Variants in CENPF observed in about 807,000 individuals in gnomAD.
The protein encoded by CENPF is AH antigen.
CENPF carries 214 observed loss-of-function variants against 307.3 expected under a neutral mutation model. The ratio of observed to expected loss-of-function variants is 0.70; its 90% CI spans 0.62 to 0.78. The LOEUF is 0.78. Ranked by LOEUF, CENPF falls within the 30% of genes least tolerant of loss-of-function variation. The pLI, the probability that CENPF is intolerant of heterozygous loss-of-function variation, is 0.00. For missense variants in CENPF, 3,401 were observed against 3,483.9 expected (o/e 0.98, Z 0.60); for synonymous variants, 1,259 against 1,270.6 (o/e 0.99, Z 0.19).
chr1:214,651,942 A>C, intron 15 of CENPF, 56 bp downstream of exon 15: 1 of 1,445,978 alleles, frequency 6.9e-7, no homozygotes, highest in East Asian at 2.3e-5. Flanking sequence ...TGATCATGGT[A>C]AGGCTTTTTT....
intron 7 of CENPF, among the ~76,000 whole-genome samples, chr1:214,626,396 A>G (rs1440490800): frequency 6.6e-6 from 1 of 152,194 alleles, no homozygotes; most frequent in Non-Finnish European, 1.5e-5. Context: ...TGATTATTCC[A>G]TCTTCCTGGA....
At position 214,608,402 on chromosome 1, in the gene CENPF, AG is replaced by A. The variant is rs1464148398; in HGVS notation, c.-42+5082del. On this transcript the variant is annotated intron_variant, in intron 1 of 19. Coordinates refer to ENST00000366955, the MANE Select transcript of CENPF (RefSeq NM_016343.4). ...CCCGAGCTGGCACCGTAGCCGGAGTAGTCGTAGGAGAAGATGTTGCAATGGA... is the reference window on the plus strand; with the variant it reads ...CCCGAGCTGGCACCGTAGCCGGAGTATCGTAGGAGAAGATGTTGCAATGGA... The A allele has an allele frequency of 2.5e-5, 41 of 1,613,442 alleles. No homozygotes were observed. In the East Asian group the frequency reaches 2.7e-4, roughly 11 times the overall value.
chr1:214,658,556 A>C (rs139477146), intron 18 of CENPF, among the ~76,000 whole-genome samples: 1 of 152,074 alleles, frequency 6.6e-6, no homozygotes, highest in Non-Finnish European at 1.5e-5. Context: ...GCAAAATAAA[A>C]CATCTACATA....
chr1:214,604,636 A>G (rs1165684070), intron 1 of CENPF, among the ~76,000 whole-genome samples: 1 of 152,130 alleles, frequency 6.6e-6, no homozygotes, highest in African/African-American at 2.4e-5. Flanking sequence ...TGATGTAATG[A>G]TTTCAGTTGC....
At chr1:214,632,092 T>C (rs982867594) in intron 9 of CENPF, among the ~76,000 whole-genome samples, 4 of 152,264 alleles carry the variant, frequency 2.6e-5, no homozygotes, top group African/African-American at 9.6e-5. Flanking sequence ...TAGAGCGCTG[T>C]ATATGTTGTA....
chr1:214,629,434 A>C (rs1657744750), intron 8 of CENPF, among the ~76,000 whole-genome samples: 1 of 152,176 alleles, frequency 6.6e-6, no homozygotes, highest in South Asian at 2.1e-4. Flanking sequence ...TTTGATATTC[A>C]GTAGGAAAGG....
In CENPF at chr1:214,640,335, G is replaced by C; in HGVS notation, c.1997G>C (p.Arg666Thr). 1 of 1,613,908 alleles carries C rather than the reference G, an allele frequency of 6.2e-7. No homozygotes were observed. The change falls in exon 12 of 20, where the codon AGA (arginine) becomes ACA (threonine). Residue 666 changes from arginine (R) to threonine (T), a missense_variant. Coordinates refer to ENST00000366955, the MANE Select transcript of CENPF (RefSeq NM_016343.4). ...AGTCATGAATACAACGAGAGAGTAA[G>C]AACGCTGGAGATGGACAGAGAAAAC... The part of the protein sequence containing the change: ...IKSHEYNERV[R>T]TLEMDRENLS...
intron 19 of CENPF, among the ~76,000 whole-genome samples, chr1:214,662,165 C>G (rs1658803178): frequency 6.6e-6 from 1 of 151,770 alleles, no homozygotes; most frequent in African/African-American, 2.4e-5. Flanking sequence ...CTGTCTCTCT[C>G]TTTTTAAATG....
In CENPF at chr1:214,645,783, A is replaced by T; in HGVS notation, c.6213A>T (p.Glu2071Asp). 6.2e-7 allele frequency: 1 copy of T among 1,614,202 alleles called. No homozygotes were observed. Among genetic ancestry groups the T allele is most frequent in the East Asian group, 2.2e-5 (1 of 44,886 alleles). The change falls in exon 13 of 20, where the codon GAA becomes GAT. Residue 2071 changes from glutamate to aspartate, a missense_variant. Physicochemically the swap from Glu to Asp is conservative, Grantham distance 45 (BLOSUM62 2). Coordinates refer to ENST00000366955, the MANE Select transcript of CENPF (RefSeq NM_016343.4). ...AAGAGAAAGAATTGCTTGTCAAGGA[A>T]TCTGAAAGCCTGCAGGCCAGACTGA... is the stretch of plus-strand genomic sequence containing the variant. ...LNKEKELLVK[E>D]SESLQARLSE...
chr1:214,610,399 T>TGTGAGA (rs1657166148), intron 1 of CENPF, among the ~76,000 whole-genome samples: 1 of 152,206 alleles, frequency 6.6e-6, no homozygotes. Flanking sequence ...TGTGAGATGG[T>TGTGAGA]ATTTCATTGT....
In CENPF at chr1:214,655,345, G is replaced by C. The variant is rs757657545; in HGVS notation, c.8427G>C (p.Lys2809Asn). Residue 2809 changes from lysine (K) to asparagine (N), a missense_variant, in exon 17 of 20, where the codon AAG (lysine) becomes AAC (asparagine). Lys to Asn is a moderately conservative substitution (Grantham distance 94). Transcript: ENST00000366955. ...CCTGTAAACAGCTGGAAGAGGAAAAGGAGATACTGCAGAAAGAACTCTCTC... is the reference window on the plus strand; with the variant it reads ...CCTGTAAACAGCTGGAAGAGGAAAACGAGATACTGCAGAAAGAACTCTCTC... ...IKSCKQLEEEKEILQKELSQL... is the reference protein window; with the variant it reads ...IKSCKQLEEENEILQKELSQL... 1 of 1,610,524 alleles carries C rather than the reference G, an allele frequency of 6.2e-7. No individual in the cohort carries two copies. The highest frequency in any genetic ancestry group is 1.3e-5 in the African/African-American group (1 of 74,930).
At position 214,653,482 on chromosome 1, in the gene CENPF, T is replaced by A. The variant is rs545165537; in HGVS notation, c.8322+493T>A. ...GATCATAGAACTTTTTTTTTTTTTTTAGGAACAATGAAGGTGAACCCTAGT... is the reference window on the plus strand; with the variant it reads ...GATCATAGAACTTTTTTTTTTTTTTAAGGAACAATGAAGGTGAACCCTAGT... On this transcript the variant is annotated intron_variant, in intron 16 of 19. Coordinates refer to ENST00000366955, the MANE Select transcript of CENPF (RefSeq NM_016343.4). The A allele has an allele frequency of 2.2e-3, 312 of 143,278 alleles. 1 individual carries two copies. Among genetic ancestry groups the A allele is most frequent in the African/African-American group, 7.2e-3 (281 of 38,942 alleles). The allele number at this position is 143,278 out of a possible 1,614,324, so 8.9% of individuals were successfully genotyped here. A position where few individuals can be genotyped will look rare whatever the true frequency, so the allele number is the denominator to read the frequency against.
chr1:214,646,010 G>A lies in CENPF; in HGVS notation c.6440G>A (p.Arg2147Gln), dbSNP rs201823371. 165 of 1,614,010 alleles carry A rather than the reference G, an allele frequency of 1.0e-4. No homozygotes were observed. Among genetic ancestry groups the A allele is most frequent in the South Asian group, 2.1e-4 (19 of 91,076 alleles). Reference sequence around the variant, plus strand: ...GCAGAGAAACTGAAAGAACGCGAGCGGGAGAATGATTCACTTAAGGATAAA... The same window carrying A: ...GCAGAGAAACTGAAAGAACGCGAGCAGGAGAATGATTCACTTAAGGATAAA... ...HIAEKLKERE[R>Q]ENDSLKDKVE... Residue 2147 changes from arginine (R) to glutamine (Q), a missense_variant, in exon 13 of 20, where the codon CGG (arginine) becomes CAG (glutamine). By Grantham distance (43) the Arg-to-Gln change is conservative. Transcript: ENST00000366955.
rs774668396 is a variant in CENPF, at chr1:214,640,726, C to T, written c.2388C>T (p.Ser796=). Residue 796 remains serine (S), a synonymous_variant, in exon 12 of 20, where the codon TCC becomes TCT. Coordinates refer to ENST00000366955, the MANE Select transcript of CENPF (RefSeq NM_016343.4). ...ATCAGCAGCCTGCCATGCATCATTC[C>T]TTTGCAAATATAATTGGAGAACAAG... ...AFDQQPAMHH[S]FANIIGEQGS... The T allele has an allele frequency of 6.2e-7, 1 of 1,614,070 alleles. No homozygotes were observed. Among genetic ancestry groups the T allele is most frequent in the Non-Finnish European group, 8.5e-7 (1 of 1,180,008 alleles).
intron 16 of CENPF, chr1:214,654,408 TA>T (rs1164986014): frequency 4.4e-3 from 621 of 142,370 alleles, no homozygotes; most frequent in Non-Finnish European, 4.7e-3. Context: ...CCTCATCTCT[TA>T]AAAAAAAAAA....
intron 7 of CENPF, among the ~76,000 whole-genome samples, chr1:214,622,934 G>T (rs112459005): frequency 6.8e-6 from 1 of 146,610 alleles, no homozygotes; most frequent in African/African-American, 2.8e-5. Context: ...GAAAAAGGCC[G>T]GGCACCTGTG....
rs1483453648 is a variant in CENPF at position 214,641,622 on chromosome 1, G to A, written c.3284G>A (p.Arg1095Lys). Residue 1095 changes from arginine to lysine, a missense_variant, in exon 12 of 20, where the codon AGA (arginine) becomes AAA (lysine). Coordinates refer to ENST00000366955, the MANE Select transcript of CENPF (RefSeq NM_016343.4). ...ACAAAATTAGCATTTGCTGAAGAAA[G>A]AAATCAGAATCTGATGCTAGAGTTG... is the stretch of plus-strand genomic sequence containing the variant. ...FLTKLAFAEE[R>K]NQNLMLELET... The A allele has an allele frequency of 6.4e-7, 1 of 1,562,206 alleles. No homozygotes were observed. Among genetic ancestry groups the A allele is most frequent in the Admixed American group, 2.1e-5 (1 of 47,058 alleles).
At chr1:214,651,528 A>G (rs935391170) in intron 14 of CENPF, among the ~76,000 whole-genome samples, 182 bp from the exon 15 acceptor site, 1 of 152,164 alleles carries the variant, frequency 6.6e-6, no homozygotes, top group African/African-American at 2.4e-5. Flanking sequence ...GGAAAGTGTT[A>G]TTGGAGGTGA....
At position 214,642,092 on chromosome 1, in the gene CENPF, G is replaced by A. The variant is rs1658135814; in HGVS notation, c.3754G>A (p.Asp1252Asn). The change falls in exon 12 of 20, where the codon GAC becomes AAC. Residue 1252 changes from aspartate (D) to asparagine (N), a missense_variant. By Grantham distance (23) the Asp-to-Asn change is conservative (BLOSUM62 1). Transcript: ENST00000366955. The stretch of plus-strand genomic sequence containing the variant: ...AGATCTTGAAACCAGCAATTTGCAA[G>A]ACATGCAGTCACAAGAAATTAGTGG... ...RGDLETSNLQ[D>N]MQSQEISGLK... 2 of 1,611,914 alleles carry A rather than the reference G, an allele frequency of 1.2e-6. No individual in the cohort carries two copies. Among genetic ancestry groups the A allele is most frequent in the Admixed American group, 3.4e-5 (2 of 59,530 alleles).
Sources: allele counts gnomAD v4.1 joint callset (sites outside exome capture counted in the v4.1 genomes callset), GRCh38; gene constraint gnomAD v4.1.1; transcripts MANE v1.5; gene names NCBI Gene and HGNC (gene_info 2026-07-23, HGNC 2026-07-21).